Variants in DPYSL2 observed in about 807,000 individuals in gnomAD.
DPYSL2 encodes the protein dihydropyrimidinase-related protein 2.
DPYSL2 carries 13 observed loss-of-function variants against 69.9 expected under a neutral mutation model. The ratio of observed to expected loss-of-function variants is 0.19; its 90% CI spans 0.12 to 0.30. The LOEUF is 0.30. DPYSL2 is among the 10% of genes least tolerant of loss of function. DPYSL2 has a pLI of 1.00. For missense variants in DPYSL2, 587 were observed against 918.9 expected (o/e 0.64, Z 4.67); for synonymous variants, 326 against 359.1 (o/e 0.91, Z 1.04).
chr8:26,655,412 C>A (rs1167607746), intron 13 of DPYSL2, among the ~76,000 whole-genome samples: 1 of 152,084 alleles, frequency 6.6e-6, no homozygotes, highest in African/African-American at 2.4e-5. Flanking sequence ...GGGAGGATGG[C>A]TTAAGCCCAG....
chr8:26,610,375 G>C lies in DPYSL2; in HGVS notation c.629-13768G>C, dbSNP rs1034249651. Among the ~76,000 whole-genome samples, 4 of 152,202 alleles carry C rather than the reference G, an allele frequency of 2.6e-5. No homozygotes were observed. The highest frequency in any genetic ancestry group is 9.7e-5 in the African/African-American group (4 of 41,446). ...GTCCTGTATTTGGGGGCTGCCCTGG[G>C]ATGTGAAAAGTCTGTTTATGTCTGT... On this transcript the variant is annotated intron_variant, in intron 3 of 13. Coordinates refer to ENST00000521913, the MANE Select transcript of DPYSL2 (RefSeq NM_001197293.3). The surrounding 1 kb of genome is among the most constrained non-coding windows in gnomAD (Gnocchi z 4.5).
At chr8:26,529,749 T>TA (rs1800470250) in intron 1 of DPYSL2, among the ~76,000 whole-genome samples, 1 of 133,616 alleles carries the variant, frequency 7.5e-6, no homozygotes, top group African/African-American at 2.6e-5. Context: ...TTTTTTTTTT[T>TA]ACAAATGAAT....
chr8:26,526,178 G>A (rs550585340), intron 1 of DPYSL2, among the ~76,000 whole-genome samples: 3 of 152,020 alleles, frequency 2.0e-5, no homozygotes, highest in East Asian at 1.9e-4. Flanking sequence ...CACTGCAACC[G>A]CTGCCTCCTG....
At chr8:26,634,511 A>G (rs1421871135) in intron 7 of DPYSL2, among the ~76,000 whole-genome samples, 1 of 141,464 alleles carries the variant, frequency 7.1e-6, no homozygotes, top group Non-Finnish European at 1.5e-5. Context: ...TGAACTCCTG[A>G]TCTCAGGTAA....
Position 26,657,031 on chromosome 8 carries a change from C to T in DPYSL2, c.*1325C>T, listed in dbSNP as rs1803408668. 1 of 152,186 alleles carries T rather than the reference C, an allele frequency of 6.6e-6. No individual in the cohort carries two copies. The highest frequency in any genetic ancestry group is 2.4e-5 in the African/African-American group (1 of 41,438). The allele number at this position is 152,186 out of a possible 1,614,324, so 9.4% of individuals were successfully genotyped here. On this transcript the variant is annotated 3_prime_UTR_variant, in exon 14 of 14. Transcript: ENST00000521913. ...AAGTATCTTTTGAGATTCTAGAACACATGGGAGCTTTTTATTTTCGGGGAA... is the reference window on the plus strand; with the variant it reads ...AAGTATCTTTTGAGATTCTAGAACATATGGGAGCTTTTTATTTTCGGGGAA...
chr8:26,595,483 A>G (rs62491919), intron 3 of DPYSL2, among the ~76,000 whole-genome samples: 4,433 of 152,180 alleles, frequency 0.029, 96 homozygotes, highest in Middle Eastern at 0.071. Flanking sequence ...GGCCAACTTT[A>G]TAAGTGGCCA....
chr8:26,573,156 A>T (rs961852833), intron 1 of DPYSL2, among the ~76,000 whole-genome samples: 7 of 152,238 alleles, frequency 4.6e-5, no homozygotes, highest in Non-Finnish European at 1.0e-4. Flanking sequence ...ATAAGCTGTT[A>T]ATAATAACAT....
intron 7 of DPYSL2, among the ~76,000 whole-genome samples, chr8:26,634,125 G>A (rs1358481242): frequency 6.6e-6 from 1 of 152,240 alleles, no homozygotes; most frequent in Non-Finnish European, 1.5e-5. Flanking sequence ...CCACATTGCT[G>A]GGTCCCGCCC....
chr8:26,590,760 C>T (rs1039394800), intron 3 of DPYSL2, among the ~76,000 whole-genome samples: 2 of 152,276 alleles, frequency 1.3e-5, no homozygotes, highest in Non-Finnish European at 2.9e-5. Context: ...GCGGAGGGAT[C>T]TCCTAATGCC....
At position 26,626,325 on chromosome 8, in the gene DPYSL2, A is replaced by G. The variant is rs1802610413; in HGVS notation, c.794-292A>G. On this transcript the variant is annotated intron_variant, in intron 4 of 13. Transcript: ENST00000521913. This position sits in a 1 kb window ranked among gnomAD's most constrained non-coding sequence, Gnocchi z 4.3. ...GGATGTGCAAACACTGGCAACTTTTAATTTTGATATACTTGTAAACTTACA... is the reference window on the plus strand; with the variant it reads ...GGATGTGCAAACACTGGCAACTTTTGATTTTGATATACTTGTAAACTTACA... 6.6e-6 allele frequency among the ~76,000 whole-genome samples: 1 copy of G among 152,192 alleles called. No homozygotes were observed. The highest frequency in any genetic ancestry group is 1.5e-5 in the Non-Finnish European group (1 of 68,036).
chr8:26,563,117 A>G lies in DPYSL2; in HGVS notation c.355-18852A>G, dbSNP rs147753695. ...GCAGCCAGAAGCCCACCCGAATTCA[A>G]AGGGAGGGCATGTAGACCCCACCTT... On this transcript the variant is annotated intron_variant, in intron 1 of 13. Coordinates refer to ENST00000521913, the MANE Select transcript of DPYSL2 (RefSeq NM_001197293.3). Among the ~76,000 whole-genome samples the G allele has an allele frequency of 1.4e-4, 22 of 152,246 alleles. No homozygotes were observed. In the East Asian group the frequency reaches 4.1e-3, roughly 28 times the overall value.
chr8:26,550,082 C>T (rs1203255412), intron 1 of DPYSL2, among the ~76,000 whole-genome samples: 2 of 152,008 alleles, frequency 1.3e-5, no homozygotes, highest in Non-Finnish European at 2.9e-5. Context: ...ACAATAGAAA[C>T]AACAATAATG....
intron 2 of DPYSL2, among the ~76,000 whole-genome samples, chr8:26,583,141 C>T (rs1801525036): frequency 2.0e-5 from 3 of 151,972 alleles, no homozygotes; most frequent in African/African-American, 7.3e-5. Flanking sequence ...GATTAATATT[C>T]CTTTTAAAAA....
rs1801569207 is a variant in DPYSL2 at position 26,585,017 on chromosome 8, A to G, written c.628+1034A>G. Among the ~76,000 whole-genome samples the G allele has an allele frequency of 6.6e-6, 1 of 152,194 alleles. No individual in the cohort carries two copies. Among genetic ancestry groups the G allele is most frequent in the African/African-American group, 2.4e-5 (1 of 41,450 alleles). On this transcript the variant is annotated intron_variant, in intron 3 of 13. Coordinates refer to ENST00000521913, the MANE Select transcript of DPYSL2 (RefSeq NM_001197293.3). The surrounding 1 kb of genome is among the most constrained non-coding windows in gnomAD (Gnocchi z 4.0). ...GTTTGCTTGTGAACTGCTAGATTCC[A>G]GCATGCCCACTGATTGTCCTTTTGA... is the stretch of plus-strand genomic sequence containing the variant.
chr8:26,528,741 C>G (rs915081462), intron 1 of DPYSL2, among the ~76,000 whole-genome samples: 9 of 152,032 alleles, frequency 5.9e-5, no homozygotes, highest in Non-Finnish European at 1.0e-4. Flanking sequence ...AGCAGTGCAG[C>G]GCCACTCTGG....
In DPYSL2 at chr8:26,655,798, T is replaced by TG; in HGVS notation, c.*92_*93insG. The TG allele has an allele frequency of 6.5e-5, 49 of 756,480 alleles. No individual in the cohort carries two copies. Among genetic ancestry groups the TG allele is most frequent in the South Asian group, 3.1e-4 (9 of 28,846 alleles). 46.9% of individuals were successfully genotyped at this position (756,480 alleles called of 1,614,324 possible). A position where few individuals can be genotyped will look rare whatever the true frequency, so the allele number is the denominator to read the frequency against. On this transcript the variant is annotated 3_prime_UTR_variant, in exon 14 of 14. Transcript: ENST00000521913. ...TTCTTCCTTCCTTTTTTTTTTTTTG[T>TG]TTTTTTTTTTAAGAGCCTGTGATAG...
intron 1 of DPYSL2, among the ~76,000 whole-genome samples, chr8:26,515,326 C>G (rs1808262021): frequency 6.6e-6 from 1 of 152,160 alleles, no homozygotes; most frequent in Non-Finnish European, 1.5e-5. Context: ...TCCTAAATAG[C>G]CTATGTGGGG....
chr8:26,630,413 CTGAAACAGTCT>C (rs1006089173), intron 7 of DPYSL2, among the ~76,000 whole-genome samples: 10 of 151,908 alleles, frequency 6.6e-5, no homozygotes, highest in African/African-American at 2.4e-4. Flanking sequence ...TTGTTCCGCC[CTGAAACAGTCT>C]TGGGATTGGG....
At chr8:26,520,155 C>T (rs566728788) in intron 1 of DPYSL2, among the ~76,000 whole-genome samples, 1 of 152,314 alleles carries the variant, frequency 6.6e-6, no homozygotes, top group South Asian at 2.1e-4. Context: ...CTCTTGCCTG[C>T]TGCCATGTAA....
Sources: gnomAD v4.1 joint callset for allele counts (sites outside exome capture counted in the v4.1 genomes callset) on GRCh38, gnomAD v4.1.1 for gene constraint, Gnocchi (gnomAD v3.1) non-coding constraint, MANE v1.5 for transcripts, NCBI Gene and HGNC (gene_info 2026-07-23, HGNC 2026-07-21) for gene names.